The following MTRF1L variants were observed in gnomAD, a reference collection of about 807,000 sequenced individuals.
MTRF1L encodes the protein mitochondrial translation release factor 1 like, also known as peptide chain release factor 1-like, mitochondrial.
In MTRF1L, 29 loss-of-function variants were observed where a neutral mutation model predicts 40.0. The ratio of observed to expected loss-of-function variants is 0.73; its 90% confidence interval spans 0.54 to 0.99. The LOEUF is 0.99. Among genes scored for constraint, MTRF1L ranks in the 50% least tolerant of loss-of-function variants. The probability of loss-of-function intolerance (pLI) is 0.00; values close to 1 mark genes in which losing one functional copy is unlikely to be tolerated. For synonymous variants in MTRF1L, 150 were observed against 175.8 expected (o/e 0.85, Z 1.16); for missense variants, 412 against 464.5 (o/e 0.89, Z 1.04).
At position 153,002,589 on chromosome 6, in the gene MTRF1L, G is replaced by T; in HGVS notation, c.97C>A (p.Leu33Met). ...CCGCCCCGGGTGAACAGCTCCTCCA[G>T]CGGCGGGCTACCGGAGCTCAGGGGC... ...RRPLSSGSPP[L>M]EELFTRGGPL... The change falls in exon 1 of 7, where the codon CTG becomes ATG. Residue 33 changes from leucine to methionine, a missense_variant. Physicochemically the swap from Leu to Met is conservative, Grantham distance 15 (BLOSUM62 2). Coordinates refer to ENST00000367233, the MANE Select transcript of MTRF1L (RefSeq NM_019041.7). 1 of 1,557,192 alleles carries T rather than the reference G, an allele frequency of 6.4e-7. No individual in the cohort carries two copies. Among genetic ancestry groups the T allele is most frequent in the Admixed American group, 1.9e-5 (1 of 51,602 alleles).
At position 152,989,971 on chromosome 6, in the gene MTRF1L, A is replaced by G; in HGVS notation, c.1067T>C (p.Leu356Pro). Residue 356 changes from leucine to proline, a missense_variant, in exon 7 of 7, where the codon CTG becomes CCG. Leu to Pro is a moderately conservative substitution (Grantham distance 98). Transcript: ENST00000367233. The stretch of plus-strand genomic sequence containing the variant: ...CTTCAATGACTGTACAAGTTCATCC[A>G]GTAGATAATCTCCTTGCATAAAAGT... ...LETFMQGDYL[L>P]DELVQSLKEY... 1 of 1,613,750 alleles carries G rather than the reference A, an allele frequency of 6.2e-7. No homozygotes were observed. The highest frequency in any genetic ancestry group is 8.5e-7 in the Non-Finnish European group (1 of 1,179,832).
intron 5 of MTRF1L, among the ~76,000 whole-genome samples, chr6:152,991,646 A>C (rs1024967266): frequency 6.6e-6 from 1 of 152,130 alleles, no homozygotes; most frequent in African/African-American, 2.4e-5. Flanking sequence ...TCCCGGGTTC[A>C]CGCCATTCTC....
chr6:152,996,714 CTCTATATGT>C (rs1778727409), intron 2 of MTRF1L, among the ~76,000 whole-genome samples: 1 of 152,118 alleles, frequency 6.6e-6, no homozygotes, highest in Non-Finnish European at 1.5e-5. Flanking sequence ...TCTTCATTAA[CTCTATATGT>C]TCTGTAATTC....
At chr6:153,000,867 A>AT (rs10536494) in intron 1 of MTRF1L, among the ~76,000 whole-genome samples, 2,541 of 100,398 alleles carry the variant, frequency 0.025, 71 homozygotes, top group Admixed American at 0.068. Context: ...GGTACTACGG[A>AT]TTTTTTTTTT....
intron 2 of MTRF1L, 90 bp from the exon 3 acceptor site, chr6:152,995,409 T>C (rs1418425822): frequency 8.2e-7 from 1 of 1,219,350 alleles, no homozygotes; most frequent in East Asian, 2.6e-5. Flanking sequence ...ATTTTAAATA[T>C]TTAAGTTTCG....
In MTRF1L at chr6:152,998,583, C is replaced by G; in HGVS notation, c.306G>C (p.Leu102Phe). 1.9e-6 allele frequency: 3 copies of G among 1,597,620 alleles called. No individual in the cohort carries two copies. The South Asian group carries it at 3.4e-5, about 18-fold the overall frequency. The change falls in exon 2 of 7, where the codon TTG becomes TTC. Residue 102 changes from leucine to phenylalanine, a missense_variant. Coordinates refer to ENST00000367233, the MANE Select transcript of MTRF1L (RefSeq NM_019041.7). Reference sequence around the variant, plus strand: ...TCAGCTGAGTTATTTCTTTTTGACACAAAGTGATTTCATTCTCTGCAAGTT... The same window carrying G: ...TCAGCTGAGTTATTTCTTTTTGACAGAAAGTGATTTCATTCTCTGCAAGTT... ...LRKLAENEIT[L>F]CQKEITQLKH...
At chr6:152,990,805 CAA>C (rs921939241) in intron 6 of MTRF1L, among the ~76,000 whole-genome samples, 8 of 152,056 alleles carry the variant, frequency 5.3e-5, no homozygotes, top group African/African-American at 1.5e-4. Flanking sequence ...GCCTGGGTGA[CAA>C]GAGCGGAACT....
chr6:152,992,420 A>G (rs981026531), intron 5 of MTRF1L, among the ~76,000 whole-genome samples: 3 of 152,226 alleles, frequency 2.0e-5, no homozygotes, highest in Non-Finnish European at 2.9e-5. Context: ...GCAAAACTGT[A>G]TATGTGTTTC....
intron 2 of MTRF1L, chr6:152,998,305 A>C (rs17083394): frequency 0.076 from 18,885 of 248,996 alleles, 845 homozygotes; most frequent in Admixed American, 0.18. Flanking sequence ...TGTTCTTTAA[A>C]AACCAGTTTA....
At chr6:153,002,131 T>C (rs1778939359) in intron 1 of MTRF1L, among the ~76,000 whole-genome samples, 1 of 152,200 alleles carries the variant, frequency 6.6e-6, no homozygotes. Flanking sequence ...AACACCGCTG[T>C]GGAGCCCATC....
rs762391691 is a variant in MTRF1L at position 152,999,975 on chromosome 6, C to T, written c.260-1346G>A. Among the ~76,000 whole-genome samples, 12 of 152,272 alleles carry T rather than the reference C, an allele frequency of 7.9e-5. No homozygotes were observed. The South Asian group carries it at 1.2e-3, about 16-fold the overall frequency. On this transcript the variant is annotated intron_variant, in intron 1 of 6. Transcript: ENST00000367233. Reference sequence around the variant, plus strand: ...TTAACTCAAGGAGAGAGAATAACAACAGCAAAACTGAGATAAGCAAGTACA... The same window carrying T: ...TTAACTCAAGGAGAGAGAATAACAATAGCAAAACTGAGATAAGCAAGTACA...
Position 153,002,673 on chromosome 6 carries a change from C to CCCGGGACCGCATCCTTAGT in MTRF1L, c.-7_12dup (p.Val5ThrfsTer32). ...AGCCACCGGGCAGCGCCCCACAGAA[C>CCCGGGACCGCATCCTTAGT]CCGGGACCGCATCCTTAGTCCGAGA... On this transcript the variant is annotated frameshift_variant, in exon 1 of 7. Transcript: ENST00000367233. LOFTEE classifies it high-confidence loss of function. 6.7e-7 allele frequency: 1 copy of CCCGGGACCGCATCCTTAGT among 1,490,748 alleles called. No individual in the cohort carries two copies. Among genetic ancestry groups the CCCGGGACCGCATCCTTAGT allele is most frequent in the Non-Finnish European group, 8.9e-7 (1 of 1,125,444 alleles). The allele number at this position is 1,490,748 out of a possible 1,614,324, so 92.3% of individuals were successfully genotyped here.
At position 152,995,268 on chromosome 6, in the gene MTRF1L, G is replaced by A; in HGVS notation, c.391C>T (p.Leu131=). ...SEETDENDLI[L]EVTAGVGGQE... ...CCTCCAACTCCTGCAGTTACTTCCA[G>A]GATCAAATCATTTTCATCTGTTTCT... Residue 131 remains leucine (L), a synonymous_variant, in exon 3 of 7, where the codon CTG becomes TTG. Transcript: ENST00000367233. 6.2e-7 allele frequency: 1 copy of A among 1,605,162 alleles called. No individual in the cohort carries two copies. Among genetic ancestry groups the A allele is most frequent in the African/African-American group, 1.3e-5 (1 of 74,448 alleles).
At chr6:152,999,358 G>C (rs1778828457) in intron 1 of MTRF1L, among the ~76,000 whole-genome samples, 3 of 152,208 alleles carry the variant, frequency 2.0e-5, no homozygotes, top group African/African-American at 7.2e-5. Context: ...CCCTTACAAA[G>C]CATCAGTTTG....
At chr6:152,994,324 T>C (rs1046228921) in intron 4 of MTRF1L, among the ~76,000 whole-genome samples, 189 bp downstream of exon 4, 61 of 152,226 alleles carry the variant, frequency 4.0e-4, no homozygotes, top group African/African-American at 1.4e-3. Flanking sequence ...CAATGCAACA[T>C]TGTATCATTT....
Position 152,994,501 on chromosome 6 carries a change from C to A in MTRF1L, c.687+12G>T. 6.2e-7 allele frequency: 1 copy of A among 1,601,974 alleles called. No individual in the cohort carries two copies. The highest frequency in any genetic ancestry group is 8.5e-7 in the Non-Finnish European group (1 of 1,174,672). On this transcript the variant is annotated intron_variant, in intron 4 of 6. Transcript: ENST00000367233. ...AGGCCCGGGATTCCAAGGAGAGGGG[C>A]TTATGCCTTACCTCAGTAGGCTGGG...
rs139411297 is a variant in MTRF1L at position 153,002,521 on chromosome 6, G to C, written c.165C>G (p.Ala55=). The C allele has an allele frequency of 5.5e-3, 8,813 of 1,611,364 alleles. 296 individuals are homozygous for C. The South Asian group carries it at 0.068, about 12-fold the overall frequency. ...ACTCGGGCCTCCTGACCTTCAAATG[G>C]GCTTCAGACCCCGCCTGGCGCTCGA... The part of the protein sequence containing the change: ...TFLERQAGSE[A]HLKVRRPELL... Residue 55 remains alanine, a synonymous_variant, in exon 1 of 7, where the codon GCC becomes GCG. Transcript: ENST00000367233.
At position 152,995,139 on chromosome 6, in the gene MTRF1L, G is replaced by A. The variant is rs61746148; in HGVS notation, c.520C>T (p.Leu174=). 2,399 of 1,602,666 alleles carry A rather than the reference G, an allele frequency of 1.5e-3. 32 individuals are homozygous for A. The African/African-American group carries it at 0.029, about 19-fold the overall frequency. The part of the protein sequence containing the change: ...FETLEYFPSE[L]GGLRHASASI... ...ACAAAATGAATAGTTTACTGACCTA[G>A]TTCACTTGGAAAATATTCCAGGGTT... Residue 174 remains leucine, a synonymous_variant, in exon 3 of 7, where the codon CTA becomes TTA. Coordinates refer to ENST00000367233, the MANE Select transcript of MTRF1L (RefSeq NM_019041.7).
intron 4 of MTRF1L, among the ~76,000 whole-genome samples, chr6:152,993,790 CT>C (rs1472216928): frequency 6.6e-6 from 1 of 152,208 alleles, no homozygotes; most frequent in Non-Finnish European, 1.5e-5. Context: ...CCCTTAACTG[CT>C]TAGTTTCTCA....
Sources: gnomAD v4.1 joint callset for allele counts (sites outside exome capture counted in the v4.1 genomes callset) on GRCh38, gnomAD v4.1.1 for gene constraint, MANE v1.5 for transcripts, NCBI Gene and HGNC (gene_info 2026-07-23, HGNC 2026-07-21) for gene names.